DSC1: variants seen among roughly 807,000 people sequenced by gnomAD.
The protein encoded by DSC1 is desmocollin 1.
DSC1 carries 79 observed loss-of-function variants against 98.8 expected under a neutral mutation model. The ratio of observed to expected loss-of-function variants is 0.80; its 90% CI spans 0.67 to 0.96. DSC1 has a LOEUF of 0.96. Among genes scored for constraint, DSC1 ranks in the 50% least tolerant of loss-of-function variants. The pLI is 0.00. For synonymous variants in DSC1, 405 were observed against 372.1 expected (o/e 1.09, Z -1.02); for missense variants, 1,115 against 1,075.9 (o/e 1.04, Z -0.51).
At chr18:31,145,895 C>G (rs759965184) in intron 6 of DSC1, 118 bp from the exon 7 acceptor site, 1 of 1,110,704 alleles carries the variant, frequency 9.0e-7, no homozygotes, top group Admixed American at 2.5e-5. Context: ...TAGATTAGTT[C>G]TACTGTTAAG....
At chr18:31,154,739 G>T (rs927727395) in intron 5 of DSC1, 35 bp downstream of exon 5, 2 of 1,520,052 alleles carry the variant, frequency 1.3e-6, no homozygotes, top group Non-Finnish European at 1.8e-6. Flanking sequence ...CAGTAATAAA[G>T]ATATAATTAT....
rs371879159 is a variant in DSC1 at position 31,157,747 on chromosome 18, T to C, written c.149-174A>G. Among the ~76,000 whole-genome samples the C allele has an allele frequency of 2.8e-4, 42 of 152,342 alleles. 1 individual carries two copies. The South Asian group carries it at 8.1e-3, about 29-fold the overall frequency. ...GGGGGCCATGAAAATTAAATAATTA[T>C]ATTAATGGAGTCACATTTTCCACTA... On this transcript the variant is annotated intron_variant, in intron 2 of 15. Coordinates refer to ENST00000257198, the MANE Select transcript of DSC1 (RefSeq NM_024421.2).
At chr18:31,159,659 T>G in intron 1 of DSC1, 130 bp from the exon 2 acceptor site, 2 of 870,172 alleles carry the variant, frequency 2.3e-6, no homozygotes, top group Non-Finnish European at 3.4e-6. Context: ...CTTTACATTT[T>G]TAATACTCAC....
Position 31,157,562 on chromosome 18 carries a change from C to G in DSC1, c.160G>C (p.Glu54Gln). Residue 54 changes from glutamate (E) to glutamine (Q), a missense_variant, in exon 3 of 16, where the codon GAG becomes CAG. Physicochemically the swap from Glu to Gln is conservative, Grantham distance 29. Coordinates refer to ENST00000257198, the MANE Select transcript of DSC1 (RefSeq NM_024421.2). ...ATTAGGCTGGCCGACTTGAGACACTCCTCCAGATTCACTGCAGGGAAGAAA... is the reference window on the plus strand; with the variant it reads ...ATTAGGCTGGCCGACTTGAGACACTGCTCCAGATTCACTGCAGGGAAGAAA... Reference protein sequence around the residue: ...ETLVGKVNLEECLKSASLIRS... With the variant: ...ETLVGKVNLEQCLKSASLIRS... The G allele has an allele frequency of 6.2e-7, 1 of 1,614,166 alleles. No individual in the cohort carries two copies.
In DSC1 at chr18:31,159,538, A is replaced by AAG; in HGVS notation, c.64-10_64-9insCT. The AAG allele has an allele frequency of 1.3e-6, 2 of 1,585,246 alleles. No homozygotes were observed. The highest frequency in any genetic ancestry group is 1.7e-6 in the Non-Finnish European group (2 of 1,170,958). On this transcript the variant is annotated splice_polypyrimidine_tract_variant and intron_variant, in intron 1 of 15. Coordinates refer to ENST00000257198, the MANE Select transcript of DSC1 (RefSeq NM_024421.2). ...CAAAGTAATGTTAAAACCTCAAAAA[A>AAG]AAAAAAAGAAAAAATATCAGGAATT...
intron 11 of DSC1, among the ~76,000 whole-genome samples, chr18:31,136,484 C>T (rs544889769): frequency 1.3e-5 from 2 of 152,284 alleles, no homozygotes; most frequent in African/African-American, 2.4e-5. Flanking sequence ...TTTTCTATTA[C>T]AGTCTCTGCT....
chr18:31,144,615 C>G (rs889076470), intron 7 of DSC1, among the ~76,000 whole-genome samples: 5 of 152,042 alleles, frequency 3.3e-5, no homozygotes, highest in African/African-American at 1.2e-4. Context: ...AAGAAGGCAT[C>G]AATAGGAGAA....
intron 11 of DSC1, among the ~76,000 whole-genome samples, chr18:31,135,521 A>G (rs1988592390): frequency 6.6e-6 from 1 of 152,176 alleles, no homozygotes; most frequent in African/African-American, 2.4e-5. Context: ...CATTGAACAT[A>G]ATGCAGTTCC....
chr18:31,151,761 A>C (rs1476151477), intron 5 of DSC1, among the ~76,000 whole-genome samples: 1 of 152,234 alleles, frequency 6.6e-6, no homozygotes, highest in Non-Finnish European at 1.5e-5. Context: ...TAGATGGGGC[A>C]GAGAAAGGAG....
intron 12 of DSC1, 75 bp downstream of exon 12, chr18:31,134,497 A>T: frequency 8.5e-7 from 1 of 1,180,054 alleles, no homozygotes; most frequent in Non-Finnish European, 1.2e-6. Flanking sequence ...TGTATTTATT[A>T]TGATAAACTA....
chr18:31,162,025 G>C (rs1004467440), intron 1 of DSC1, among the ~76,000 whole-genome samples: 1 of 152,144 alleles, frequency 6.6e-6, no homozygotes, highest in Admixed American at 6.5e-5. Flanking sequence ...TATTTTCAAT[G>C]ACAGTCACAT....
In DSC1 at chr18:31,156,024, T is replaced by C. The variant is rs115611077; in HGVS notation, c.471+19A>G. On this transcript the variant is annotated intron_variant, in intron 4 of 15. Coordinates refer to ENST00000257198, the MANE Select transcript of DSC1 (RefSeq NM_024421.2). ...AAAAAAAATTTGGACACATATAAAA[T>C]CAAATAAGTGAAATGCACCTGCTGA... 1.5e-3 allele frequency: 2,390 copies of C among 1,606,740 alleles called. 34 individuals carry two copies. The African/African-American group carries it at 0.027, about 18-fold the overall frequency.
At position 31,134,682 on chromosome 18, in the gene DSC1, T is replaced by C; in HGVS notation, c.1766A>G (p.Asp589Gly). The stretch of plus-strand genomic sequence containing the variant: ...ATCTACAGGTTTCAGAACAGCAAAA[T>C]CCTCATTATTCTGACAAATGGTCAC... ...KEVTICQNNE[D>G]FAVLKPVDPD... is the part of the protein sequence containing the mutation. The change falls in exon 12 of 16, where the codon GAT (aspartate) becomes GGT (glycine). Residue 589 changes from aspartate (D) to glycine (G), a missense_variant. Coordinates refer to ENST00000257198, the MANE Select transcript of DSC1 (RefSeq NM_024421.2). 2 of 1,613,170 alleles carry C rather than the reference T, an allele frequency of 1.2e-6. No individual in the cohort carries two copies. The highest frequency in any genetic ancestry group is 1.7e-6 in the Non-Finnish European group (2 of 1,179,542).
intron 2 of DSC1, among the ~76,000 whole-genome samples, chr18:31,159,047 G>GTTTTTTTTTTTTTTTTTTTTTTTT (rs560889140): frequency 1.4e-5 from 1 of 71,070 alleles, no homozygotes; most frequent in African/African-American, 5.8e-5. Context: ...CTACTATGTG[G>GTTTTTTTTTTTTTTTTTTTTTTTT]TTTTTTTTTT....
In DSC1 at chr18:31,137,684, C is replaced by T. The variant is rs528192722; in HGVS notation, c.1663+2064G>A. ...CACACCATATATGATAATTGTTATC[C>T]CCAGTTCAAAAGGTATTTAGAGAAG... On this transcript the variant is annotated intron_variant, in intron 11 of 15. Transcript: ENST00000257198. Among the ~76,000 whole-genome samples, 10 of 152,142 alleles carry T rather than the reference C, an allele frequency of 6.6e-5. No homozygotes were observed. In the East Asian group the frequency reaches 1.9e-3, roughly 29 times the overall value.
chr18:31,142,042 C>T lies in DSC1; in HGVS notation c.1217G>A (p.Ser406Asn), dbSNP rs188243091. 4 of 1,611,958 alleles carry T rather than the reference C, an allele frequency of 2.5e-6. No individual in the cohort carries two copies. The African/African-American group carries it at 4.0e-5, about 16-fold the overall frequency. The change falls in exon 9 of 16, where the codon AGC (serine) becomes AAC (asparagine). Residue 406 changes from serine (S) to asparagine (N), a missense_variant. Transcript: ENST00000257198. ...QGNENGNFII[S>N]TDPNTNEGVL... ...TCCTTCATTTGTATTTGGATCTGTG[C>T]TAATTATGAAGTTTCCATTTTCATT...
chr18:31,157,477 T>A lies in DSC1; in HGVS notation c.245A>T (p.Asp82Val), dbSNP rs1035718520. Residue 82 changes from aspartate to valine, a missense_variant, in exon 3 of 16, where the codon GAC becomes GTC. Coordinates refer to ENST00000257198, the MANE Select transcript of DSC1 (RefSeq NM_024421.2). ...LEDGSIYTTH[D>V]LILSSERKSF... ...TTTCCTTTCAGAAGACAAAATGAGG[T>A]CATGTGTTGTGTAAATTGAGCCATC... 1.2e-6 allele frequency: 2 copies of A among 1,613,898 alleles called. No homozygotes were observed. The highest frequency in any genetic ancestry group is 2.7e-5 in the African/African-American group (2 of 74,848).
At chr18:31,137,640 C>T (rs1988639044) in intron 11 of DSC1, among the ~76,000 whole-genome samples, 1 of 152,094 alleles carries the variant, frequency 6.6e-6, no homozygotes, top group African/African-American at 2.4e-5. Context: ...ACAATGAAAG[C>T]AGCCTTTTCT....
intron 15 of DSC1, 86 bp downstream of exon 15, chr18:31,131,508 A>C: frequency 6.5e-7 from 1 of 1,529,270 alleles, no homozygotes. Context: ...TTCCAGGTAT[A>C]TGAGGAGTAA....
Sources: allele counts gnomAD v4.1 joint callset (sites outside exome capture counted in the v4.1 genomes callset), GRCh38; gene constraint gnomAD v4.1.1; transcripts MANE v1.5; gene names NCBI Gene and HGNC (gene_info 2026-07-23, HGNC 2026-07-21).